The following DCLK1 variants were observed in gnomAD, a reference collection of about 807,000 sequenced individuals.
DCLK1 encodes the protein serine/threonine-protein kinase DCLK1.
A neutral mutation model predicts 86.2 loss-of-function variants in DCLK1; 16 were observed. That is an observed-to-expected ratio of 0.19 (90% confidence interval 0.13 to 0.28). The LOEUF (loss-of-function observed/expected upper bound fraction) is 0.28, where lower values mean the gene tolerates loss of function less well. Ranked by LOEUF, DCLK1 falls within the 10% of genes least tolerant of loss-of-function variation. The probability of loss-of-function intolerance (pLI) is 1.00; values close to 1 mark genes in which losing one functional copy is unlikely to be tolerated. For synonymous variants in DCLK1, 369 were observed against 370.5 expected (o/e 1.00, Z 0.05); for missense variants, 590 against 940.2 (o/e 0.63, Z 4.87).
intron 3 of DCLK1, among the ~76,000 whole-genome samples, chr13:36,063,034 T>C (rs944966852): frequency 2.0e-5 from 3 of 152,198 alleles, no homozygotes; most frequent in Non-Finnish European, 4.4e-5. Flanking sequence ...ATGCTGCCAG[T>C]GGCCTCATGA....
intron 4 of DCLK1, among the ~76,000 whole-genome samples, chr13:35,884,190 A>C (rs1473657312): frequency 6.6e-6 from 1 of 152,126 alleles, no homozygotes; most frequent in Admixed American, 6.5e-5. Context: ...TAATTGTGCA[A>C]TGTGCCACTT....
chr13:36,098,182 C>G (rs554864465), intron 3 of DCLK1, among the ~76,000 whole-genome samples: 1 of 152,336 alleles, frequency 6.6e-6, no homozygotes, highest in South Asian at 2.1e-4. Flanking sequence ...TTCTTTTCTA[C>G]AAAGCCTCAC....
intron 5 of DCLK1, among the ~76,000 whole-genome samples, chr13:35,863,327 G>T (rs1871536526): frequency 6.6e-6 from 1 of 152,170 alleles, no homozygotes; most frequent in African/African-American, 2.4e-5. Context: ...GCACCCTTGG[G>T]ACCTAATGCA....
intron 3 of DCLK1, among the ~76,000 whole-genome samples, chr13:36,056,407 A>G (rs1236602529): frequency 8.9e-6 from 1 of 112,084 alleles, no homozygotes; most frequent in Non-Finnish European, 1.8e-5. Flanking sequence ...ATAGGTGGGA[A>G]TTGAACAATG....
chr13:35,854,531 G>T lies in DCLK1; in HGVS notation c.1003C>A (p.Pro335Thr). Reference protein sequence around the residue: ...PRSGKSPSPSPTSPGSLRKQR... With the variant: ...PRSGKSPSPSTTSPGSLRKQR... ...TTCCGCAGGCTTCCTGGGCTGGTGG[G>T]TGATGGGCTTGGCGACTTGCCTGAG... The change falls in exon 6 of 17, where the codon CCC (proline) becomes ACC (threonine). Residue 335 changes from proline (P) to threonine (T), a missense_variant. Coordinates refer to ENST00000360631, the MANE Select transcript of DCLK1 (RefSeq NM_001330071.2). 6.2e-7 allele frequency: 1 copy of T among 1,605,122 alleles called. No homozygotes were observed. The highest frequency in any genetic ancestry group is 2.3e-5 in the East Asian group (1 of 44,288).
chr13:35,929,409 G>C (rs187362460), intron 4 of DCLK1, among the ~76,000 whole-genome samples: 1 of 152,122 alleles, frequency 6.6e-6, no homozygotes, highest in Non-Finnish European at 1.5e-5. Context: ...TTATAACCTC[G>C]GTTCTCAATA....
chr13:36,096,618 T>G (rs1885030139), intron 3 of DCLK1, among the ~76,000 whole-genome samples: 1 of 152,130 alleles, frequency 6.6e-6, no homozygotes, highest in South Asian at 2.1e-4. Flanking sequence ...ACAGAGATTA[T>G]GAAATAATTG....
intron 4 of DCLK1, among the ~76,000 whole-genome samples, chr13:35,886,783 T>G (rs1372377199): frequency 6.6e-6 from 1 of 152,202 alleles, no homozygotes; most frequent in Non-Finnish European, 1.5e-5. Context: ...TTCCTGACAT[T>G]TTCACTGCTC....
intron 4 of DCLK1, among the ~76,000 whole-genome samples, chr13:35,902,939 A>T (rs770845325): frequency 1.3e-5 from 2 of 152,150 alleles, no homozygotes; most frequent in Non-Finnish European, 2.9e-5. Flanking sequence ...TTCTTTTATC[A>T]TTCAAACAAT....
chr13:36,023,943 TGGAG>T (rs959302956), intron 3 of DCLK1, among the ~76,000 whole-genome samples: 6 of 134,562 alleles, frequency 4.5e-5, no homozygotes, highest in South Asian at 2.4e-4. Context: ...TTGCCCGGGC[TGGAG>T]TACAGTGGTG....
chr13:35,914,823 C>T (rs1381173072), intron 4 of DCLK1, among the ~76,000 whole-genome samples: 1 of 152,006 alleles, frequency 6.6e-6, no homozygotes, highest in Admixed American at 6.5e-5. Context: ...AGGCAAAGAT[C>T]ATAGCTTATT....
chr13:36,119,890 T>C (rs777854055), intron 2 of DCLK1, among the ~76,000 whole-genome samples: 4 of 152,208 alleles, frequency 2.6e-5, no homozygotes, highest in Non-Finnish European at 4.4e-5. Context: ...GTTAACTTCT[T>C]AGTTTTGTTC....
intron 8 of DCLK1, among the ~76,000 whole-genome samples, chr13:35,832,988 T>C (rs1196816290): frequency 6.6e-6 from 1 of 152,192 alleles, no homozygotes; most frequent in Non-Finnish European, 1.5e-5. Flanking sequence ...TTGAGGTTAT[T>C]GAGAATTTTG....
chr13:35,827,032 G>A (rs949371176), intron 10 of DCLK1, among the ~76,000 whole-genome samples: 1 of 152,176 alleles, frequency 6.6e-6, no homozygotes, highest in African/African-American at 2.4e-5. Context: ...GAACAGGTAA[G>A]AGACCTTTCA....
intron 3 of DCLK1, among the ~76,000 whole-genome samples, chr13:36,061,882 C>T (rs1029101951): frequency 1.3e-5 from 2 of 152,138 alleles, no homozygotes; most frequent in East Asian, 3.9e-4. Flanking sequence ...TCAATATCCA[C>T]CATCAATGTG....
intron 16 of DCLK1, among the ~76,000 whole-genome samples, chr13:35,787,023 G>C (rs577518524): frequency 5.9e-5 from 9 of 151,468 alleles, no homozygotes; most frequent in Non-Finnish European, 1.2e-4. Flanking sequence ...ACTATGTTTT[G>C]AGTGTCTGAT....
intron 4 of DCLK1, among the ~76,000 whole-genome samples, chr13:35,893,073 C>A (rs1031805672): frequency 6.6e-6 from 1 of 152,206 alleles, no homozygotes; most frequent in Non-Finnish European, 1.5e-5. Context: ...TGCCTGGACA[C>A]ATAGGCGGAG....
rs138657687 is a variant in DCLK1, at chr13:36,112,133, G to A, written c.459C>T (p.Asn153=). 55 of 1,613,440 alleles carry A rather than the reference G, an allele frequency of 3.4e-5. No homozygotes were observed. The highest frequency in any genetic ancestry group is 4.2e-5 in the Non-Finnish European group (49 of 1,179,632). ...CCCGAGAAGCCGAGGTGGTCTTGAC[G>A]TTCACCGACCAGTTGGGGTTCACAT... ...TKNVNPNWSV[N]VKTTSASRAV... Residue 153 remains asparagine (N), a synonymous_variant, in exon 3 of 17, where the codon AAC becomes AAT. Transcript: ENST00000360631.
chr13:36,049,071 T>A (rs973863904), intron 3 of DCLK1, among the ~76,000 whole-genome samples: 1 of 152,154 alleles, frequency 6.6e-6, no homozygotes, highest in Admixed American at 6.6e-5. Flanking sequence ...ATGACTTCCA[T>A]GCACTTTCCA....
Sources: gnomAD v4.1 joint callset for allele counts (sites outside exome capture counted in the v4.1 genomes callset) on GRCh38, gnomAD v4.1.1 for gene constraint, MANE v1.5 for transcripts, NCBI Gene and HGNC (gene_info 2026-07-23, HGNC 2026-07-21) for gene names.